The following BLZF1 variants were observed in gnomAD, a reference collection of about 807,000 sequenced individuals.
BLZF1 encodes the protein golgin-45.
A neutral mutation model predicts 43.8 loss-of-function variants in BLZF1; 39 were observed. The ratio of observed to expected loss-of-function variants is 0.89; its 90% confidence interval spans 0.69 to 1.16. The LOEUF is 1.16. Among genes scored for constraint, BLZF1 ranks in the 50% most tolerant of loss-of-function variants. The probability of loss-of-function intolerance (pLI) is 0.00; values close to 1 mark genes in which losing one functional copy is unlikely to be tolerated. For synonymous variants in BLZF1, 136 were observed against 159.4 expected (o/e 0.85, Z 1.11); for missense variants, 449 against 469.8 (o/e 0.96, Z 0.41).
At position 169,382,781 on chromosome 1, in the gene BLZF1, C is replaced by T. The variant is rs111398628; in HGVS notation, c.1017+500C>T. 2.0e-3 allele frequency among the ~76,000 whole-genome samples: 306 copies of T among 152,330 alleles called. 2 individuals are homozygous for T. Among genetic ancestry groups the T allele is most frequent in the African/African-American group, 7.0e-3 (290 of 41,574 alleles). On this transcript the variant is annotated intron_variant, in intron 6 of 6. Coordinates refer to ENST00000367808, the MANE Select transcript of BLZF1 (RefSeq NM_001320973.2). The stretch of plus-strand genomic sequence containing the variant: ...CTGTGACAACAACCAAGTTCACCTT[C>T]GTTACAACTCTCATGTCCCCATCTG...
chr1:169,386,914 T>C, intron 6 of BLZF1, 83 bp from the exon 7 acceptor site: 2 of 943,614 alleles, frequency 2.1e-6, no homozygotes, highest in Admixed American at 2.7e-5. Flanking sequence ...AGTGAAACTT[T>C]ATAGGTAGGT....
intron 7 of BLZF1, chr1:169,394,950 T>C (rs1654927575): frequency 9.2e-7 from 1 of 1,090,628 alleles, no homozygotes; most frequent in Admixed American, 2.9e-5. Context: ...TAAATACCAT[T>C]TCCATAATTT....
intron 2 of BLZF1, among the ~76,000 whole-genome samples, chr1:169,371,818 C>G (rs1287195971): frequency 2.0e-5 from 3 of 151,908 alleles, no homozygotes; most frequent in Non-Finnish European, 4.4e-5. Context: ...AATAGTAGAC[C>G]AAATAGAAAG....
Position 169,387,302 on chromosome 1 carries a change from A to G in BLZF1, c.*120A>G, listed in dbSNP as rs1188755168. On this transcript the variant is annotated 3_prime_UTR_variant, in exon 7 of 7. Coordinates refer to ENST00000367808, the MANE Select transcript of BLZF1 (RefSeq NM_001320973.2). ...ATCACTTCCTATTTACATAATGTAT[A>G]CACCCAAAGATATTTTATGTACTAG... 7 of 851,244 alleles carry G rather than the reference A, an allele frequency of 8.2e-6. No homozygotes were observed. In the East Asian group the frequency reaches 2.0e-4, roughly 24 times the overall value. 52.7% of individuals were successfully genotyped at this position (851,244 alleles called of 1,614,324 possible).
intron 6 of BLZF1, among the ~76,000 whole-genome samples, 156 bp from the exon 7 acceptor site, chr1:169,386,841 G>C (rs1022730813): frequency 4.6e-5 from 7 of 152,066 alleles, no homozygotes; most frequent in African/African-American, 1.7e-4. Context: ...GCTTAAGGAA[G>C]TAAGTTGTCT....
chr1:169,368,661 G>GT (rs1653990814), intron 1 of BLZF1, among the ~76,000 whole-genome samples: 1 of 152,190 alleles, frequency 6.6e-6, no homozygotes. Flanking sequence ...TTCAGGGATC[G>GT]TTACTCTTAC....
chr1:169,386,812 C>T (rs895538507), intron 6 of BLZF1, among the ~76,000 whole-genome samples, 185 bp from the exon 7 acceptor site: 6 of 151,562 alleles, frequency 4.0e-5, no homozygotes, highest in African/African-American at 1.5e-4. Flanking sequence ...AGTAATCAGA[C>T]ATCATTGTTA....
intron 7 of BLZF1, among the ~76,000 whole-genome samples, chr1:169,395,678 A>C (rs1324995318): frequency 6.6e-6 from 1 of 152,232 alleles, no homozygotes; most frequent in African/African-American, 2.4e-5. Flanking sequence ...ATAGTTCTTA[A>C]AATGAAAAGT....
chr1:169,384,639 A>G (rs1654619904), intron 6 of BLZF1, among the ~76,000 whole-genome samples: 1 of 152,072 alleles, frequency 6.6e-6, no homozygotes, highest in Non-Finnish European at 1.5e-5. Flanking sequence ...ATTGTATCTC[A>G]TGCCTCTGTA....
chr1:169,389,070 C>T (rs1557852280), downstream of BLZF1, among the ~76,000 whole-genome samples: 3 of 151,934 alleles, frequency 2.0e-5, no homozygotes, highest in African/African-American at 4.8e-5. Context: ...TGTAGTGAGC[C>T]GAGATCGCGC....
intron 7 of BLZF1, chr1:169,395,156 C>CT (rs758379973): frequency 5.0e-6 from 8 of 1,613,246 alleles, no homozygotes; most frequent in Admixed American, 1.7e-5. Flanking sequence ...AGTTCTCTCT[C>CT]TGACAGCTTG....
Position 169,388,255 on chromosome 1 carries a change from T to C in BLZF1, c.*1073T>C, listed in dbSNP as rs1163427634. On this transcript the variant is annotated 3_prime_UTR_variant, in exon 7 of 7. Transcript: ENST00000367808. The stretch of plus-strand genomic sequence containing the variant: ...TCAATGATTTTTTTTGTCTGACTCA[T>C]CTGAGTTATATTTAGTTTTCAAGTG... The C allele has an allele frequency of 6.6e-6, 1 of 152,178 alleles. No individual in the cohort carries two copies. Among genetic ancestry groups the C allele is most frequent in the Non-Finnish European group, 1.5e-5 (1 of 68,024 alleles). The allele number at this position is 152,178 out of a possible 1,614,324, so 9.4% of individuals were successfully genotyped here. A position where few individuals can be genotyped will look rare whatever the true frequency, so the allele number is the denominator to read the frequency against.
intron 2 of BLZF1, among the ~76,000 whole-genome samples, chr1:169,373,826 C>T (rs1348205343): frequency 6.6e-6 from 1 of 152,062 alleles, no homozygotes; most frequent in African/African-American, 2.4e-5. Flanking sequence ...ACTTAAAATT[C>T]CAACTCAAAA....
In BLZF1 at chr1:169,382,107, A is replaced by G. The variant is rs747451163; in HGVS notation, c.843A>G (p.Gln281=). Reference sequence around the variant, plus strand: ...TTTCCTTGCAATGGGGAAGAGAGCAAACTTACTCCCCTAGTGTACAACCCC... The same window carrying G: ...TTTCCTTGCAATGGGGAAGAGAGCAGACTTACTCCCCTAGTGTACAACCCC... ...LLVSLQWGRE[Q]TYSPSVQPHS... is the part of the protein sequence containing the mutation. Residue 281 remains glutamine, a synonymous_variant, in exon 6 of 7, where the codon CAA becomes CAG. Transcript: ENST00000367808. The G allele has an allele frequency of 7.4e-6, 12 of 1,613,774 alleles. No individual in the cohort carries two copies. In the South Asian group the frequency reaches 1.1e-4, roughly 15 times the overall value.
chr1:169,373,654 A>C (rs944261246), intron 2 of BLZF1, among the ~76,000 whole-genome samples: 3 of 152,216 alleles, frequency 2.0e-5, no homozygotes, highest in African/African-American at 7.2e-5. Context: ...CAGTTTAAAT[A>C]AAGTTAAGAG....
downstream of BLZF1, among the ~76,000 whole-genome samples, chr1:169,389,015 C>A (rs1191950582): frequency 6.6e-6 from 1 of 151,714 alleles, no homozygotes; most frequent in African/African-American, 2.4e-5. Flanking sequence ...CCCAGCTACT[C>A]GGGAGGCTGA....
chr1:169,378,647 CTTCA>C, intron 4 of BLZF1, 118 bp downstream of exon 4: 1 of 901,494 alleles, frequency 1.1e-6, no homozygotes, highest in South Asian at 1.7e-5. Context: ...CATCAGAGTA[CTTCA>C]TTTAAGATGT....
chr1:169,391,013 G>C (rs957477392), downstream of BLZF1, among the ~76,000 whole-genome samples: 3 of 152,144 alleles, frequency 2.0e-5, no homozygotes, highest in East Asian at 5.8e-4. Flanking sequence ...AGCAGGAATG[G>C]ACCCAATACC....
rs961713787 is a variant in BLZF1 at position 169,376,395 on chromosome 1, T to C, written c.29-145T>C. On this transcript the variant is annotated intron_variant, in intron 2 of 6. Transcript: ENST00000367808. The stretch of plus-strand genomic sequence containing the variant: ...ACATGTATCTTTTGTTGACACATGA[T>C]TGTTTTGAAAATTACTTTTTCTCTG... 6.2e-6 allele frequency: 4 copies of C among 648,772 alleles called. No homozygotes were observed. The African/African-American group carries it at 7.5e-5, about 12-fold the overall frequency. 40.2% of individuals were successfully genotyped at this position (648,772 alleles called of 1,614,324 possible). A position where few individuals can be genotyped will look rare whatever the true frequency, so the allele number is the denominator to read the frequency against.
Sources: gnomAD v4.1 joint callset for allele counts (sites outside exome capture counted in the v4.1 genomes callset) on GRCh38, gnomAD v4.1.1 for gene constraint, MANE v1.5 for transcripts, NCBI Gene and HGNC (gene_info 2026-07-23, HGNC 2026-07-21) for gene names.